Variants in MAP2 observed in about 807,000 individuals in gnomAD.
MAP2 encodes the protein microtubule associated protein 2.
MAP2 carries 14 observed loss-of-function variants against 137.6 expected under a neutral mutation model. The ratio of observed to expected loss-of-function variants is 0.10; its 90% confidence interval spans 0.07 to 0.16. The LOEUF is 0.16. MAP2 is among the 10% of genes least tolerant of loss of function. The probability of loss-of-function intolerance (pLI) is 1.00; values close to 1 mark genes in which losing one functional copy is unlikely to be tolerated. For synonymous variants in MAP2, 786 were observed against 782.3 expected, an observed-to-expected ratio of 1.00 and a Z score of -0.08; for missense variants, 2,088 against 2,191.5, an observed-to-expected ratio of 0.95 and a Z score of 0.94.
intron 4 of MAP2, among the ~76,000 whole-genome samples, chr2:209,649,208 G>T (rs2094613658): frequency 6.6e-6 from 1 of 151,552 alleles, no homozygotes; most frequent in South Asian, 2.1e-4. Flanking sequence ...TAGAGATGGG[G>T]GTCTCACTAT....
intron 1 of MAP2, among the ~76,000 whole-genome samples, chr2:209,476,221 C>T (rs1242357816): frequency 1.3e-5 from 2 of 152,054 alleles, no homozygotes; most frequent in Non-Finnish European, 2.9e-5. Context: ...TTCTGTCCAT[C>T]TCAAAGTGAT....
chr2:209,486,729 G>C (rs2058434968), intron 1 of MAP2, among the ~76,000 whole-genome samples: 1 of 152,136 alleles, frequency 6.6e-6, no homozygotes, highest in Non-Finnish European at 1.5e-5. Context: ...ATTGTTTATA[G>C]GTGAATTATA....
intron 2 of MAP2, among the ~76,000 whole-genome samples, chr2:209,574,510 T>C (rs1358623415): frequency 6.6e-6 from 1 of 151,988 alleles, no homozygotes; most frequent in Non-Finnish European, 1.5e-5. Context: ...TACAGACACT[T>C]AGATTGTTTA....
At chr2:209,459,157 A>G (rs557061673) in intron 1 of MAP2, among the ~76,000 whole-genome samples, 14 of 152,270 alleles carry the variant, frequency 9.2e-5, no homozygotes, top group Non-Finnish European at 5.9e-5. Flanking sequence ...ATGTAGTCCA[A>G]CTGCTTGTGT....
intron 2 of MAP2, among the ~76,000 whole-genome samples, chr2:209,527,969 A>G (rs1395332732): frequency 6.6e-6 from 1 of 152,158 alleles, no homozygotes; most frequent in Non-Finnish European, 1.5e-5. Context: ...AGGAGATCCA[A>G]AAAGATTCAT....
intron 11 of MAP2, among the ~76,000 whole-genome samples, chr2:209,702,446 G>A (rs1361021730): frequency 6.6e-6 from 1 of 151,474 alleles, no homozygotes; most frequent in Admixed American, 6.6e-5. Flanking sequence ...CATCAGTACT[G>A]TTCTCTGATT....
intron 3 of MAP2, among the ~76,000 whole-genome samples, chr2:209,589,175 A>G (rs112636112): frequency 6.6e-6 from 1 of 152,190 alleles, no homozygotes; most frequent in East Asian, 1.9e-4. Flanking sequence ...ACAAAAAAAA[A>G]TAATCACTTC....
At chr2:209,593,759 A>ATT (rs1559372112) in intron 3 of MAP2, among the ~76,000 whole-genome samples, 10 of 95,112 alleles carry the variant, frequency 1.1e-4, no homozygotes, top group Non-Finnish European at 2.0e-4. Context: ...TATTATATAT[A>ATT]ATATATAATA....
At chr2:209,540,660 A>AAAGAAAAAAAAAAAAAAAAAAAAG (rs2066846481) in intron 2 of MAP2, among the ~76,000 whole-genome samples, 1 of 129,206 alleles carries the variant, frequency 7.7e-6, no homozygotes, top group Non-Finnish European at 1.5e-5. Flanking sequence ...AAAAAAAAAA[A>AAAGAAAAAAAAAAAAAAAAAAAAG]AAGAAGAAAA....
chr2:209,538,820 T>C (rs1463207532), intron 2 of MAP2, among the ~76,000 whole-genome samples: 1 of 152,128 alleles, frequency 6.6e-6, no homozygotes, highest in African/African-American at 2.4e-5. Flanking sequence ...GTTTGTTCAA[T>C]GAGAAGGATG....
chr2:209,596,958 G>GT (rs575624265), intron 3 of MAP2, among the ~76,000 whole-genome samples: 20 of 152,210 alleles, frequency 1.3e-4, no homozygotes, highest in African/African-American at 4.3e-4. Flanking sequence ...AGATTCATGG[G>GT]TAGTTGGCCA....
At chr2:209,697,880 G>A (rs192497198) in intron 10 of MAP2, among the ~76,000 whole-genome samples, 42 of 151,902 alleles carry the variant, frequency 2.8e-4, no homozygotes, top group South Asian at 1.0e-3. Context: ...ACGGAATCTC[G>A]CTCTGTCGCC....
intron 13 of MAP2, among the ~76,000 whole-genome samples, chr2:209,712,101 A>G (rs1291596183): frequency 6.6e-6 from 1 of 152,156 alleles, no homozygotes; most frequent in Admixed American, 6.5e-5. Context: ...AAGAAAGGCA[A>G]AAAGAATGGT....
intron 5 of MAP2, among the ~76,000 whole-genome samples, chr2:209,661,897 G>A (rs2043807910): frequency 6.6e-6 from 1 of 152,074 alleles, no homozygotes; most frequent in African/African-American, 2.4e-5. Flanking sequence ...CAGCCACAGC[G>A]TTTGATATTT....
intron 2 of MAP2, among the ~76,000 whole-genome samples, chr2:209,552,510 T>G (rs896028412): frequency 6.6e-6 from 1 of 152,218 alleles, no homozygotes; most frequent in African/African-American, 2.4e-5. Context: ...TACCATCATC[T>G]CCCATATAGT....
At chr2:209,454,213 G>A (rs967079010) in intron 1 of MAP2, among the ~76,000 whole-genome samples, 5 of 149,858 alleles carry the variant, frequency 3.3e-5, no homozygotes, top group Admixed American at 6.7e-5. Context: ...GCTCAGCCCA[G>A]GAGAGAGTGA....
chr2:209,554,825 T>C (rs2070144006), intron 2 of MAP2, among the ~76,000 whole-genome samples: 1 of 150,458 alleles, frequency 6.6e-6, no homozygotes, highest in African/African-American at 2.4e-5. Context: ...CGGTAGCAGG[T>C]AAACTGTTAC....
intron 2 of MAP2, among the ~76,000 whole-genome samples, chr2:209,518,521 C>G (rs2062836386): frequency 6.6e-6 from 1 of 152,090 alleles, no homozygotes. Context: ...GAAACCTGAA[C>G]AGAGGGTGCG....
chr2:209,692,696 G>A lies in MAP2; in HGVS notation c.526G>A (p.Asp176Asn), dbSNP rs375849922. 2,271 of 1,613,678 alleles carry A rather than the reference G, an allele frequency of 1.4e-3. 45 individuals are homozygous for A. The South Asian group carries it at 0.024, about 17-fold the overall frequency. Reference sequence around the variant, plus strand: ...GACTCCCTCTACAGCTGAGCCTTCAGACCAGAAGGAAAAGGAGTCAGAGAA... The same window carrying A: ...GACTCCCTCTACAGCTGAGCCTTCAAACCAGAAGGAAAAGGAGTCAGAGAA... ...ELTPSTAEPS[D>N]QKEKESEKQS... Residue 176 changes from aspartate (D) to asparagine (N), a missense_variant, in exon 8 of 16, where the codon GAC (aspartate) becomes AAC (asparagine). Around this residue, in one of 6 missense-constraint regions of MAP2, gnomAD observed 859 missense variants for 794.5 expected, o/e 1.08. Coordinates refer to ENST00000682079, the MANE Select transcript of MAP2 (RefSeq NM_001375505.1).
Sources: allele counts gnomAD v4.1 joint callset (sites outside exome capture counted in the v4.1 genomes callset), GRCh38; gene constraint gnomAD v4.1.1; regional missense constraint gnomAD v4.1.1; transcripts MANE v1.5; gene names NCBI Gene and HGNC (gene_info 2026-07-23, HGNC 2026-07-21).